The following SSC5D variants were observed in gnomAD, a reference collection of about 807,000 sequenced individuals.
The protein encoded by SSC5D is scavenger receptor cysteine rich family member with 5 domains.
In SSC5D, 106 loss-of-function variants were observed where a neutral mutation model predicts 104.6. The ratio of observed to expected loss-of-function variants is 1.01; its 90% CI spans 0.87 to 1.19. The LOEUF (loss-of-function observed/expected upper bound fraction) is 1.19. Among genes scored for constraint, SSC5D ranks in the 50% most tolerant of loss-of-function variants. SSC5D has a pLI of 0.00. For missense variants in SSC5D, 1,993 were observed against 2,153.8 expected (o/e 0.93, Z 1.48); for synonymous variants, 860 against 883.5 (o/e 0.97, Z 0.47).
intron 12 of SSC5D, among the ~76,000 whole-genome samples, chr19:55,509,328 G>T (rs1323859962): frequency 6.6e-6 from 1 of 152,142 alleles, no homozygotes; most frequent in Non-Finnish European, 1.5e-5. Flanking sequence ...TATCTAAGGA[G>T]ATACATCTGC....
In SSC5D at chr19:55,519,077, T is replaced by C. The variant is rs1440557415; in HGVS notation, c.*79T>C. 7.0e-7 allele frequency: 1 copy of C among 1,421,818 alleles called. No homozygotes were observed. The highest frequency in any genetic ancestry group is 9.4e-7 in the Non-Finnish European group (1 of 1,059,528). 88.1% of individuals were successfully genotyped at this position (1,421,818 alleles called of 1,614,324 possible). On this transcript the variant is annotated 3_prime_UTR_variant, in exon 14 of 14. Coordinates refer to ENST00000389623, the MANE Select transcript of SSC5D (RefSeq NM_001144950.2). Reference sequence around the variant, plus strand: ...CAAAAAAAACCCCCAAAGTATCTAATTAAAAACAAGGTGTGAATGGTATTT... The same window carrying C: ...CAAAAAAAACCCCCAAAGTATCTAACTAAAAACAAGGTGTGAATGGTATTT...
rs1987557429 is a variant in SSC5D, at chr19:55,503,260, C to T, written c.2785+2059C>T. 6.6e-6 allele frequency among the ~76,000 whole-genome samples: 1 copy of T among 152,152 alleles called. No individual in the cohort carries two copies. Among genetic ancestry groups the T allele is most frequent in the Admixed American group, 6.6e-5 (1 of 15,264 alleles). On this transcript the variant is annotated intron_variant, in intron 12 of 13. Coordinates refer to ENST00000389623, the MANE Select transcript of SSC5D (RefSeq NM_001144950.2). The surrounding 1 kb of genome is among the most constrained non-coding windows in gnomAD (Gnocchi z 4.0). ...CCAAACTGTTTCTGTATCTTCCGTC[C>T]TCTTGTCTTTCACTTTCAGTTCTCA...
In SSC5D at chr19:55,500,837, C is replaced by T. The variant is rs758212842; in HGVS notation, c.2617+33C>T. The T allele has an allele frequency of 3.4e-5, 44 of 1,311,954 alleles. No individual in the cohort carries two copies. Among genetic ancestry groups the T allele is most frequent in the African/African-American group, 1.2e-4 (7 of 60,776 alleles). 81.3% of individuals were successfully genotyped at this position (1,311,954 alleles called of 1,614,324 possible). On this transcript the variant is annotated intron_variant, in intron 11 of 13. Coordinates refer to ENST00000389623, the MANE Select transcript of SSC5D (RefSeq NM_001144950.2). The surrounding 1 kb of genome is among the most constrained non-coding windows in gnomAD (Gnocchi z 4.6). ...GGCATGGCGGCGGTGGTGGGGTTGT[C>T]GGGGGTGGCCAGGAGAATGGAGTCA...
intron 13 of SSC5D, among the ~76,000 whole-genome samples, chr19:55,514,341 C>T (rs1014375778): frequency 5.3e-5 from 8 of 149,692 alleles, no homozygotes; most frequent in African/African-American, 1.7e-4. Flanking sequence ...GGAGGCAGAG[C>T]TTGCAGTGAG....
At chr19:55,492,290 G>A (rs1031120462) in intron 6 of SSC5D, 1 of 152,272 alleles carries the variant, frequency 6.6e-6, no homozygotes, top group Non-Finnish European at 1.5e-5. Context: ...TCGGCCATAG[G>A]GACGTGGTGG....
rs149858998 is a variant in SSC5D, at chr19:55,500,078, C to T, written c.1968C>T (p.Ser656=). 5.1e-5 allele frequency: 79 copies of T among 1,551,524 alleles called. No homozygotes were observed. In the East Asian group the frequency reaches 1.6e-3, roughly 32 times the overall value. Residue 656 remains serine, a synonymous_variant, in exon 10 of 14, where the codon AGC becomes AGT. Coordinates refer to ENST00000389623, the MANE Select transcript of SSC5D (RefSeq NM_001144950.2). This position sits in a 1 kb window ranked among gnomAD's most constrained non-coding sequence, Gnocchi z 4.6. Reference sequence around the variant, plus strand: ...CCACGAAACACTCCAGGGCCCAAAGCCCCCCAGACCTAACCTCACAGACCA... The same window carrying T: ...CCACGAAACACTCCAGGGCCCAAAGTCCCCCAGACCTAACCTCACAGACCA... ...MPTTKHSRAQ[S]PPDLTSQTTA...
intron 12 of SSC5D, among the ~76,000 whole-genome samples, chr19:55,502,126 T>G (rs1161096243): frequency 6.6e-6 from 1 of 152,056 alleles, no homozygotes; most frequent in East Asian, 1.9e-4. Flanking sequence ...CTCAAACTCC[T>G]GAGCTCAGGC....
In SSC5D at chr19:55,494,630, C is replaced by G; in HGVS notation, c.1234C>G (p.Pro412Ala). Residue 412 changes from proline (P) to alanine (A), a missense_variant, in exon 8 of 14, where the codon CCT becomes GCT. By Grantham distance (27) the Pro-to-Ala change is conservative (BLOSUM62 -1). Coordinates refer to ENST00000389623, the MANE Select transcript of SSC5D (RefSeq NM_001144950.2). ...VCDGMPLGYV[P>A]PTAPTDSNNS... ...CACAGGCATGCCCCTGGGCTACGTC[C>G]CTCCCACGGCCCCCACGGACAGCAA... The G allele has an allele frequency of 6.5e-7, 1 of 1,541,056 alleles. No individual in the cohort carries two copies. Among genetic ancestry groups the G allele is most frequent in the East Asian group, 2.5e-5 (1 of 40,210 alleles).
intron 13 of SSC5D, among the ~76,000 whole-genome samples, chr19:55,514,037 G>A (rs993072248): frequency 1.3e-5 from 2 of 152,168 alleles, no homozygotes; most frequent in African/African-American, 4.8e-5. Context: ...CAGTGTGAGT[G>A]AGGATGTGGG....
At position 55,498,082 on chromosome 19, in the gene SSC5D, C is replaced by T; in HGVS notation, c.1590C>T (p.Ile530=). 6.4e-7 allele frequency: 1 copy of T among 1,551,648 alleles called. No individual in the cohort carries two copies. The highest frequency in any genetic ancestry group is 8.7e-7 in the Non-Finnish European group (1 of 1,146,964). Residue 530 remains isoleucine (I), a synonymous_variant, in exon 9 of 14, where the codon ATC becomes ATT. Transcript: ENST00000389623. ...AGRFGWGAGP[I]WLDDVGCVGT... Reference sequence around the variant, plus strand: ...GCTTTGGCTGGGGTGCGGGCCCCATCTGGCTAGATGATGTGGGCTGTGTGG... The same window carrying T: ...GCTTTGGCTGGGGTGCGGGCCCCATTTGGCTAGATGATGTGGGCTGTGTGG...
Position 55,513,069 on chromosome 19 carries a change from G to A in SSC5D, c.2844G>A (p.Leu948=). 1 of 1,551,796 alleles carries A rather than the reference G, an allele frequency of 6.4e-7. No individual in the cohort carries two copies. The highest frequency in any genetic ancestry group is 8.7e-7 in the Non-Finnish European group (1 of 1,146,982). The change falls in exon 13 of 14, where the codon CTG becomes CTA. Residue 948 remains leucine, a synonymous_variant. Transcript: ENST00000389623. ...WTWDTPSGRG[L]AEGTPTAGKL... ...GGGACACACCATCAGGAAGGGGCCT[G>A]GCTGAGGGGACCCCTACCGCAGGCA...
In SSC5D at chr19:55,493,814, G is replaced by A. The variant is rs1029026507; in HGVS notation, c.1115G>A (p.Arg372Gln). The change falls in exon 7 of 14, where the codon CGG (arginine) becomes CAG (glutamine). Residue 372 changes from arginine to glutamine, a missense_variant. Arg to Gln is a conservative substitution (Grantham distance 43). Transcript: ENST00000389623. ...GGACCCATCATCCTGGACGACCTTC[G>A]GTGTCGGGGAAACGAGACGGCCTTA... ...GSGPIILDDL[R>Q]CRGNETALRF... The A allele has an allele frequency of 8.4e-6, 13 of 1,549,216 alleles. No homozygotes were observed. The highest frequency in any genetic ancestry group is 7.3e-5 in the East Asian group (3 of 40,860).
intron 12 of SSC5D, among the ~76,000 whole-genome samples, chr19:55,509,850 C>CAAA (rs1250937223): frequency 7.9e-4 from 60 of 75,846 alleles, no homozygotes; most frequent in Middle Eastern, 6.6e-3. Context: ...AACTCTGTCT[C>CAAA]AAAAAAAAAA....
chr19:55,501,724 G>A (rs574684049), intron 12 of SSC5D, among the ~76,000 whole-genome samples: 45 of 152,280 alleles, frequency 3.0e-4, no homozygotes, highest in African/African-American at 1.1e-3. Flanking sequence ...TATGGCCTCT[G>A]TCTTGCTGCT....
At chr19:55,515,576 C>G (rs1261430589) in intron 13 of SSC5D, among the ~76,000 whole-genome samples, 2 of 150,940 alleles carry the variant, frequency 1.3e-5, no homozygotes, top group African/African-American at 4.9e-5. Context: ...ACTAAAAATA[C>G]AAAAAATTAG....
chr19:55,500,061 C>A lies in SSC5D; in HGVS notation c.1951C>A (p.His651Asn). 6.4e-7 allele frequency: 1 copy of A among 1,551,850 alleles called. No homozygotes were observed. Residue 651 changes from histidine to asparagine, a missense_variant, in exon 10 of 14, where the codon CAC (histidine) becomes AAC (asparagine). His to Asn is a moderately conservative substitution (Grantham distance 68). This residue lies in a region of SSC5D where 1,101 missense variants were observed against 1,085.0 expected (regional missense o/e 1.01). Transcript: ENST00000389623. The surrounding 1 kb of genome is among the most constrained non-coding windows in gnomAD (Gnocchi z 4.6). ...ACCCCCAGTGATGCCAACCACGAAA[C>A]ACTCCAGGGCCCAAAGCCCCCCAGA... ...TQPPVMPTTK[H>N]SRAQSPPDLT...
intron 8 of SSC5D, 87 bp from the exon 9 acceptor site, chr19:55,497,789 AAAGG>A: frequency 3.9e-6 from 5 of 1,266,428 alleles, no homozygotes; most frequent in Non-Finnish European, 5.3e-6. Flanking sequence ...GGATGAGTGG[AAAGG>A]AAGATGGGGG....
In SSC5D at chr19:55,499,952, G is replaced by A. The variant is rs1391973448; in HGVS notation, c.1842G>A (p.Glu614=). Residue 614 remains glutamate (E), a synonymous_variant, in exon 10 of 14, where the codon GAG becomes GAA. Transcript: ENST00000389623. ...CAAGTGTGACTGCCAGTGTTCTGGA[G>A]AAAACAACCACGAAGGCCCCAGGGA... The part of the protein sequence containing the change: ...PSASVTASVL[E]KTTTKAPGKM... The A allele has an allele frequency of 6.4e-6, 10 of 1,551,822 alleles. No individual in the cohort carries two copies. The highest frequency in any genetic ancestry group is 1.4e-5 in the African/African-American group (1 of 72,986).
At chr19:55,508,889 G>C (rs1318410534) in intron 12 of SSC5D, among the ~76,000 whole-genome samples, 1 of 77,794 alleles carries the variant, frequency 1.3e-5, no homozygotes, top group Non-Finnish European at 2.6e-5. Context: ...CACAGGGGAT[G>C]GGGGGAGGCC....
Sources: allele counts gnomAD v4.1 joint callset (sites outside exome capture counted in the v4.1 genomes callset), GRCh38; gene constraint gnomAD v4.1.1; regional missense constraint gnomAD v4.1.1; non-coding constraint Gnocchi (gnomAD v3.1); transcripts MANE v1.5; gene names NCBI Gene and HGNC (gene_info 2026-07-23, HGNC 2026-07-21).